The following ZNF98 variants were observed in gnomAD, a reference collection of about 807,000 sequenced individuals.
The protein encoded by ZNF98 is zinc finger protein 739.
Under a neutral mutation model 12.8 loss-of-function variants are expected in ZNF98, and 8 were observed. The ratio of observed to expected loss-of-function variants is 0.63; its 90% CI spans 0.37 to 1.13. The LOEUF (loss-of-function observed/expected upper bound fraction) is 1.13, where lower values mean the gene tolerates loss of function less well. ZNF98 is among the 50% of genes most tolerant of loss of function. ZNF98 has a pLI of 0.01. For synonymous variants in ZNF98, 112 were observed against 223.5 expected (o/e 0.50, Z 4.45); for missense variants, 379 against 666.1 (o/e 0.57, Z 4.74).
At chr19:22,407,432 G>A (rs1000968036) in intron 1 of ZNF98, among the ~76,000 whole-genome samples, 1 of 147,842 alleles carries the variant, frequency 6.8e-6, no homozygotes, top group Non-Finnish European at 1.5e-5. Flanking sequence ...TTCATTTCTC[G>A]GCTGGGCACG....
chr19:22,397,606 C>A (rs1969412087), intron 3 of ZNF98, among the ~76,000 whole-genome samples: 1 of 149,086 alleles, frequency 6.7e-6, no homozygotes, highest in Admixed American at 6.7e-5. Context: ...GAAAAAAAAT[C>A]TGAAAAATTA....
intron 1 of ZNF98, among the ~76,000 whole-genome samples, chr19:22,410,557 A>G (rs1462924358): frequency 9.2e-5 from 14 of 152,238 alleles, no homozygotes; most frequent in African/African-American, 3.4e-4. Flanking sequence ...CAATGAGAAC[A>G]CATGGACACA....
chr19:22,405,623 A>G (rs112687880), intron 1 of ZNF98, among the ~76,000 whole-genome samples: 27 of 152,342 alleles, frequency 1.8e-4, no homozygotes, highest in African/African-American at 6.3e-4. Flanking sequence ...CCCATGCCAC[A>G]GGAGCCTAGG....
At chr19:22,400,578 C>T (rs1479193500) in intron 3 of ZNF98, among the ~76,000 whole-genome samples, 24 of 151,424 alleles carry the variant, frequency 1.6e-4, no homozygotes, top group African/African-American at 5.6e-4. Flanking sequence ...AGCTACCTAC[C>T]CCTCTCCACT....
chr19:22,405,054 G>A (rs1004956927), intron 1 of ZNF98, among the ~76,000 whole-genome samples: 3 of 152,102 alleles, frequency 2.0e-5, no homozygotes, highest in Non-Finnish European at 2.9e-5. Flanking sequence ...TCTTTATGAC[G>A]TGTAAGAAGC....
intron 3 of ZNF98, among the ~76,000 whole-genome samples, chr19:22,396,991 C>T (rs1239137024): frequency 5.9e-5 from 9 of 151,700 alleles, no homozygotes; most frequent in African/African-American, 1.2e-4. Context: ...TGGTGGTGGG[C>T]GCCTGTAATC....
chr19:22,418,502 T>C (rs1969669414), intron 1 of ZNF98, among the ~76,000 whole-genome samples: 1 of 152,206 alleles, frequency 6.6e-6, no homozygotes, highest in African/African-American at 2.4e-5. Flanking sequence ...ATGCTTTCCA[T>C]TATGACTTAG....
At chr19:22,421,458 T>C (rs1180444759) in intron 1 of ZNF98, among the ~76,000 whole-genome samples, 1 of 152,154 alleles carries the variant, frequency 6.6e-6, no homozygotes, top group Non-Finnish European at 1.5e-5. Flanking sequence ...CTCCAATCCC[T>C]GGATTCCTAA....
At chr19:22,399,508 T>C (rs538290475) in intron 3 of ZNF98, among the ~76,000 whole-genome samples, 1 of 152,294 alleles carries the variant, frequency 6.6e-6, no homozygotes, top group South Asian at 2.1e-4. Flanking sequence ...GCCTCTGATA[T>C]ATAAAACAAA....
At chr19:22,404,293 C>T (rs1162275637) in intron 1 of ZNF98, among the ~76,000 whole-genome samples, 4 of 152,212 alleles carry the variant, frequency 2.6e-5, no homozygotes, top group Non-Finnish European at 5.9e-5. Flanking sequence ...ACCAGTAATG[C>T]CCATGTTTTT....
Position 22,391,088 on chromosome 19 carries a change from A to T in ZNF98, c.*428T>A, listed in dbSNP as rs772989058. On this transcript the variant is annotated 3_prime_UTR_variant, in exon 4 of 4. Transcript: ENST00000357774. ...TGATATAAATTCTCTGATGTTGAAC[A>T]AAGTTTGAGCAATTGCCTCAGGGTT... The T allele has an allele frequency of 1.3e-5, 2 of 157,132 alleles. No individual in the cohort carries two copies. The highest frequency in any genetic ancestry group is 2.8e-5 in the Non-Finnish European group (2 of 71,112). 9.7% of individuals were successfully genotyped at this position (157,132 alleles called of 1,614,324 possible).
At chr19:22,399,104 T>G (rs1969429626) in intron 3 of ZNF98, among the ~76,000 whole-genome samples, 1 of 152,110 alleles carries the variant, frequency 6.6e-6, no homozygotes, top group South Asian at 2.1e-4. Context: ...AAACCTACAC[T>G]GAAAAAACGC....
chr19:22,407,447 CT>C (rs1411842065), intron 1 of ZNF98, among the ~76,000 whole-genome samples: 1 of 149,888 alleles, frequency 6.7e-6, no homozygotes, highest in African/African-American at 2.5e-5. Flanking sequence ...GGCACGGTGG[CT>C]CACGCCTGTA....
intron 1 of ZNF98, among the ~76,000 whole-genome samples, chr19:22,416,446 G>A (rs891253253): frequency 4.6e-5 from 7 of 152,020 alleles, no homozygotes; most frequent in Middle Eastern, 3.2e-3. Flanking sequence ...TCCAGCCTGC[G>A]TGACAGAGCA....
At chr19:22,398,105 C>T (rs950738009) in intron 3 of ZNF98, among the ~76,000 whole-genome samples, 2 of 151,840 alleles carry the variant, frequency 1.3e-5, no homozygotes, top group South Asian at 4.2e-4. Flanking sequence ...TACAAAAATG[C>T]CAAAATATTA....
intron 1 of ZNF98, among the ~76,000 whole-genome samples, chr19:22,405,508 C>A (rs1969509720): frequency 1.3e-5 from 2 of 152,004 alleles, no homozygotes; most frequent in African/African-American, 4.8e-5. Flanking sequence ...GAGCCCCCAC[C>A]CCCCAGCCAA....
chr19:22,396,074 A>G (rs1969389745), intron 3 of ZNF98, among the ~76,000 whole-genome samples: 1 of 152,136 alleles, frequency 6.6e-6, no homozygotes, highest in South Asian at 2.1e-4. Flanking sequence ...TCATATAAAA[A>G]TACATTATTT....
chr19:22,410,524 C>T (rs1748206051), intron 1 of ZNF98, among the ~76,000 whole-genome samples: 2 of 152,140 alleles, frequency 1.3e-5, no homozygotes, highest in Admixed American at 6.6e-5. Context: ...ACCGCATGTT[C>T]TCATTCATAA....
Position 22,410,294 on chromosome 19 carries a change from T to C in ZNF98, c.31-6782A>G, listed in dbSNP as rs186520320. Among the ~76,000 whole-genome samples, 266 of 152,280 alleles carry C rather than the reference T, an allele frequency of 1.7e-3. 1 individual carries two copies. Among genetic ancestry groups the C allele is most frequent in the Admixed American group, 2.4e-3 (37 of 15,286 alleles). ...TAAATCATTCTACTATAAAGACACA[T>C]GCACACGTATGTTTACTGTAGCACT... On this transcript the variant is annotated intron_variant, in intron 1 of 3. Coordinates refer to ENST00000357774, the MANE Select transcript of ZNF98 (RefSeq NM_001098626.2).
Sources: gnomAD v4.1 joint callset for allele counts (sites outside exome capture counted in the v4.1 genomes callset) on GRCh38, gnomAD v4.1.1 for gene constraint, MANE v1.5 for transcripts, NCBI Gene and HGNC (gene_info 2026-07-23, HGNC 2026-07-21) for gene names.